Variants in RPS6KA6 observed in about 807,000 individuals in gnomAD.
The protein encoded by RPS6KA6 is ribosomal protein S6 kinase alpha-6.
RPS6KA6 carries 27 observed loss-of-function variants against 65.4 expected under a neutral mutation model. The ratio of observed to expected loss-of-function variants is 0.41; its 90% CI spans 0.30 to 0.57. The LOEUF is 0.57. Ranked by LOEUF, RPS6KA6 falls within the 20% of genes least tolerant of loss-of-function variation. RPS6KA6 has a pLI of 0.24. For synonymous variants in RPS6KA6, 190 were observed against 184.2 expected, an observed-to-expected ratio of 1.03 and a Z score of -0.26; for missense variants, 486 against 555.6, an observed-to-expected ratio of 0.87 and a Z score of 1.26.
chrX:84,126,150 T>C (rs941912898), intron 8 of RPS6KA6, among the ~76,000 whole-genome samples: 2 of 110,214 alleles, frequency 1.8e-5, no homozygotes, highest in African/African-American at 6.6e-5. Flanking sequence ...AATAAAGAAA[T>C]GGGAAAAGAT....
At chrX:84,182,043 TCTC>T (rs2035861324) in intron 1 of RPS6KA6, among the ~76,000 whole-genome samples, 4 of 70,185 alleles carry the variant, frequency 5.7e-5, no homozygotes, top group African/African-American at 1.9e-4. Context: ...TCTGTCTCTC[TCTC>T]TCTCTCTCTC....
rs780370645 is a variant in RPS6KA6 at position 84,187,858 on chromosome X, T to G, written c.42A>C (p.Glu14Asp). ...FAPQDEPWDREMEVFSGGGAS... is the reference protein window; with the variant it reads ...FAPQDEPWDRDMEVFSGGGAS... ...CGCCGCCGCCGCTGAACACTTCCAT[T>G]TCTCGGTCCCAGGGCTCGTCCTGAG... is the stretch of plus-strand genomic sequence containing the variant. The change falls in exon 1 of 22, where the codon GAA (glutamate) becomes GAC (aspartate). Residue 14 changes from glutamate to aspartate, a missense_variant. This residue lies in a region of RPS6KA6 where 106 missense variants were observed against 105.0 expected (regional missense o/e 1.01). Coordinates refer to ENST00000262752, the MANE Select transcript of RPS6KA6 (RefSeq NM_014496.5). 8.3e-7 allele frequency: 1 copy of G among 1,200,869 alleles called. No individual in the cohort carries two copies. The highest frequency in any genetic ancestry group is 1.1e-6 in the Non-Finnish European group (1 of 890,218).
intron 20 of RPS6KA6, among the ~76,000 whole-genome samples, chrX:84,089,640 T>C (rs1169120252): frequency 1.8e-5 from 2 of 110,600 alleles, no homozygotes; most frequent in Non-Finnish European, 3.8e-5. Flanking sequence ...CAAAGATCCA[T>C]GGGAGAAGCA....
chrX:84,176,009 T>C (rs1205779206), intron 1 of RPS6KA6, among the ~76,000 whole-genome samples: 1 of 112,157 alleles, frequency 8.9e-6, no homozygotes, highest in Non-Finnish European at 1.9e-5. Flanking sequence ...TGTACTACTA[T>C]TACTACTGAG....
At chrX:84,123,844 T>A (rs2034724678) in intron 8 of RPS6KA6, among the ~76,000 whole-genome samples, 1 of 111,038 alleles carries the variant, frequency 9.0e-6, no homozygotes, top group African/African-American at 3.3e-5. Flanking sequence ...TGAGTGAAAA[T>A]AGGTTTTACC....
intron 20 of RPS6KA6, among the ~76,000 whole-genome samples, chrX:84,074,168 A>G (rs6616893): frequency 0.05 from 5,576 of 112,303 alleles, 197 homozygotes; most frequent in East Asian, 0.2. Flanking sequence ...GTAAATATAA[A>G]CAATGGAATA....
At chrX:84,125,975 T>TA (rs1163267664) in intron 8 of RPS6KA6, among the ~76,000 whole-genome samples, 7 of 110,742 alleles carry the variant, frequency 6.3e-5, no homozygotes, top group Non-Finnish European at 9.5e-5. Flanking sequence ...AGAAAACAAC[T>TA]AAAAAAATGG....
At chrX:84,153,948 T>C (rs984290897) in intron 3 of RPS6KA6, among the ~76,000 whole-genome samples, 5 of 111,707 alleles carry the variant, frequency 4.5e-5, no homozygotes, top group African/African-American at 1.6e-4. Context: ...AAAGCTAAGA[T>C]TTCCCTGAAT....
chrX:84,183,673 G>T (rs1221051883), intron 1 of RPS6KA6, among the ~76,000 whole-genome samples: 2 of 110,773 alleles, frequency 1.8e-5, no homozygotes, highest in Non-Finnish European at 3.8e-5. Context: ...ACATTTCCAT[G>T]CCTTTTCTTA....
intron 1 of RPS6KA6, among the ~76,000 whole-genome samples, chrX:84,179,190 T>C (rs916048104): frequency 9.0e-6 from 1 of 110,647 alleles, no homozygotes; most frequent in Non-Finnish European, 1.9e-5. Context: ...ATTAGGGAAA[T>C]GCAAGTTAAA....
In RPS6KA6 at chrX:84,107,736, C is replaced by G. The variant is rs997950445; in HGVS notation, c.1009-11G>C. On this transcript the variant is annotated splice_polypyrimidine_tract_variant and intron_variant, in intron 12 of 21. Coordinates refer to ENST00000262752, the MANE Select transcript of RPS6KA6 (RefSeq NM_014496.5). ...TCTTTTATATAATTTCTAGAAGGGA[C>G]AACCAGATAACACAAAACGTATTAA... is the stretch of plus-strand genomic sequence containing the variant. 2.4e-5 allele frequency: 23 copies of G among 966,564 alleles called. No individual in the cohort carries two copies. The highest frequency in any genetic ancestry group is 3.4e-5 in the Non-Finnish European group (23 of 681,620). 79.7% of individuals were successfully genotyped at this position (966,564 alleles called of 1,213,427 possible).
intron 1 of RPS6KA6, among the ~76,000 whole-genome samples, chrX:84,171,364 C>T (rs2035680034): frequency 1.8e-5 from 2 of 111,449 alleles, no homozygotes; most frequent in Admixed American, 1.9e-4. Flanking sequence ...CTAGGTAATA[C>T]AATCAAAAGT....
At position 84,058,671 on chromosome X, in the gene RPS6KA6, G is replaced by A. The variant is rs1466211383; in HGVS notation, c.*5606C>T. The A allele has an allele frequency of 9.0e-6, 1 of 111,698 alleles. No individual in the cohort carries two copies. The highest frequency in any genetic ancestry group is 1.9e-5 in the Non-Finnish European group (1 of 53,160). The allele number at this position is 111,698 out of a possible 1,213,427, so 9.2% of individuals were successfully genotyped here. On this transcript the variant is annotated 3_prime_UTR_variant, in exon 22 of 22. Coordinates refer to ENST00000262752, the MANE Select transcript of RPS6KA6 (RefSeq NM_014496.5). ...ATGGTAACATAAAATTCATAATATA[G>A]TCAGAACAATAAAATAGTTTTTGAA... is the stretch of plus-strand genomic sequence containing the variant.
At chrX:84,101,796 T>C (rs1469124109) in intron 18 of RPS6KA6, among the ~76,000 whole-genome samples, 4 of 110,851 alleles carry the variant, frequency 3.6e-5, no homozygotes, top group African/African-American at 9.8e-5. Context: ...ATTCTGAAAT[T>C]AGTATATAAC....
rs369556533 is a variant in RPS6KA6, at chrX:84,064,373, C to T, written c.2142G>A (p.Leu714=). 1.1e-4 allele frequency: 128 copies of T among 1,203,162 alleles called. No individual in the cohort carries two copies. Among genetic ancestry groups the T allele is most frequent in the Non-Finnish European group, 1.4e-4 (123 of 892,534 alleles). The change falls in exon 22 of 22, where the codon CTG becomes CTA. Residue 714 remains leucine (L), a synonymous_variant. Coordinates refer to ENST00000262752, the MANE Select transcript of RPS6KA6 (RefSeq NM_014496.5). ...GGACTGGTTGAAAGGTCTTGTGAGT[C>T]AGGGCAGAGTATGTTGCAACCATTG... ...KGAMVATYSA[L]THKTFQPVLE...
intron 6 of RPS6KA6, among the ~76,000 whole-genome samples, chrX:84,140,267 A>G (rs2035071525): frequency 9.0e-6 from 1 of 111,448 alleles, no homozygotes; most frequent in South Asian, 3.9e-4. Flanking sequence ...TCAGTAGTGG[A>G]GCAAAATTAA....
At chrX:84,106,263 C>G in intron 15 of RPS6KA6, 102 bp downstream of exon 15, 1 of 731,114 alleles carries the variant, frequency 1.4e-6, no homozygotes, top group Non-Finnish European at 2.0e-6. Context: ...ATCATCTTAT[C>G]TTTCCTATCT....
intron 1 of RPS6KA6, among the ~76,000 whole-genome samples, chrX:84,168,387 C>G (rs190393795): frequency 9.0e-6 from 1 of 111,375 alleles, no homozygotes; most frequent in East Asian, 2.8e-4. Flanking sequence ...TCAAAAATAA[C>G]CAATACAAAA....
At chrX:84,150,577 T>C (rs966561522) in intron 3 of RPS6KA6, among the ~76,000 whole-genome samples, 1 of 109,462 alleles carries the variant, frequency 9.1e-6, no homozygotes, top group African/African-American at 3.3e-5. Context: ...CAGAGAGAGA[T>C]GGGGAAACAG....
Sources: gnomAD v4.1 joint callset for allele counts (sites outside exome capture counted in the v4.1 genomes callset) on GRCh38, gnomAD v4.1.1 for gene constraint, gnomAD v4.1.1 regional missense constraint, MANE v1.5 for transcripts, NCBI Gene and HGNC (gene_info 2026-07-23, HGNC 2026-07-21) for gene names.